The following PCSK2 variants were observed in gnomAD, a reference collection of about 807,000 sequenced individuals.
The protein encoded by PCSK2 is neuroendocrine convertase 2.
A neutral mutation model predicts 69.7 loss-of-function variants in PCSK2; 14 were observed. The observed-to-expected ratio is 0.20, with a 90% CI of 0.13 to 0.31. PCSK2 has a LOEUF of 0.31. Among genes scored for constraint, PCSK2 ranks in the 10% least tolerant of loss-of-function variants. The pLI is 1.00. For missense variants in PCSK2, 544 were observed against 842.5 expected, an observed-to-expected ratio of 0.65 and a Z score of 4.39; for synonymous variants, 307 against 320.7, an observed-to-expected ratio of 0.96 and a Z score of 0.46.
chr20:17,441,578 G>A (rs779484347), intron 8 of PCSK2, among the ~76,000 whole-genome samples: 4 of 152,186 alleles, frequency 2.6e-5, no homozygotes, highest in Admixed American at 1.3e-4. Context: ...TAGCTGGGGA[G>A]ACCTCACAAT....
chr20:17,252,324 C>T lies in PCSK2; in HGVS notation c.178-7916C>T, dbSNP rs187310895. 1.2e-4 allele frequency among the ~76,000 whole-genome samples: 18 copies of T among 152,252 alleles called. No individual in the cohort carries two copies. The East Asian group carries it at 3.5e-3, about 29-fold the overall frequency. ...GAGTCTCTTAAGCTGACTGCCCTCC[C>T]CTTTCTCCAAAAAGTCTAAGAAATA... On this transcript the variant is annotated intron_variant, in intron 1 of 11. Transcript: ENST00000262545.
intron 2 of PCSK2, among the ~76,000 whole-genome samples, chr20:17,352,589 G>A (rs2123198488): frequency 6.6e-6 from 1 of 152,286 alleles, no homozygotes; most frequent in East Asian, 1.9e-4. Flanking sequence ...ACAAAAGTAA[G>A]CAATGGGAAA....
At chr20:17,254,800 G>A (rs145529925) in intron 1 of PCSK2, among the ~76,000 whole-genome samples, 1,782 of 152,248 alleles carry the variant, frequency 0.012, 36 homozygotes, top group African/African-American at 0.04. Context: ...TAAAAAATCC[G>A]TGAACATGAG....
chr20:17,416,834 G>A (rs6080689), intron 6 of PCSK2, among the ~76,000 whole-genome samples: 101,530 of 152,040 alleles, frequency 0.67, 34,102 homozygotes, highest in Middle Eastern at 0.76. Context: ...ACAGAATACT[G>A]TGCAGCCATA....
intron 5 of PCSK2, among the ~76,000 whole-genome samples, chr20:17,376,477 G>T (rs942603522): frequency 1.3e-5 from 2 of 152,110 alleles, no homozygotes; most frequent in Admixed American, 1.3e-4. Flanking sequence ...GAGAATATTG[G>T]CTTCTAGGCC....
At chr20:17,351,514 C>T in intron 2 of PCSK2, among the ~76,000 whole-genome samples, 1 of 152,208 alleles carries the variant, frequency 6.6e-6, no homozygotes, top group East Asian at 1.9e-4. Flanking sequence ...ATTAAAAAGG[C>T]TTTATTCCTA....
intron 4 of PCSK2, among the ~76,000 whole-genome samples, chr20:17,362,115 T>C (rs1291863695): frequency 6.6e-6 from 1 of 152,256 alleles, no homozygotes; most frequent in Non-Finnish European, 1.5e-5. Context: ...GTACTGTAGA[T>C]GCCCATTTCA....
intron 2 of PCSK2, among the ~76,000 whole-genome samples, chr20:17,277,811 A>G (rs1300407025): frequency 6.6e-6 from 1 of 152,086 alleles, no homozygotes; most frequent in Non-Finnish European, 1.5e-5. Flanking sequence ...AATTTTTGCA[A>G]CCTACTCATC....
Position 17,465,396 on chromosome 20 carries a change from G to A in PCSK2, c.1273G>A (p.Glu425Lys), listed in dbSNP as rs769711731. 29 of 1,614,062 alleles carry A rather than the reference G, an allele frequency of 1.8e-5. No homozygotes were observed. The highest frequency in any genetic ancestry group is 5.0e-5 in the Admixed American group (3 of 60,004). Residue 425 changes from glutamate to lysine, a missense_variant, in exon 11 of 12, where the codon GAG (glutamate) becomes AAG (lysine). Physicochemically the swap from Glu to Lys is moderately conservative, Grantham distance 56 (BLOSUM62 1). This residue lies in a region of PCSK2 where 200 missense variants were observed against 287.8 expected (regional missense o/e 0.69). Transcript: ENST00000262545. ...CTCCAAACGGAACCAGCTTCACGAC[G>A]AGGTCCATCAGTGGCGGCGCAATGG... ...LTSKRNQLHD[E>K]VHQWRRNGVG... is the part of the protein sequence containing the mutation.
chr20:17,359,187 G>A (rs1207062254), intron 3 of PCSK2, among the ~76,000 whole-genome samples: 1 of 152,210 alleles, frequency 6.6e-6, no homozygotes, highest in East Asian at 1.9e-4. Flanking sequence ...ACAAGAGAGA[G>A]AACTAAATTA....
chr20:17,419,608 T>C (rs1600565589), intron 6 of PCSK2, among the ~76,000 whole-genome samples: 1 of 152,212 alleles, frequency 6.6e-6, no homozygotes, highest in Non-Finnish European at 1.5e-5. Context: ...GACTGGTTGA[T>C]AGATGAGTGG....
At chr20:17,437,660 C>G (rs1163100787) in intron 8 of PCSK2, among the ~76,000 whole-genome samples, 1 of 152,174 alleles carries the variant, frequency 6.6e-6, no homozygotes, top group Non-Finnish European at 1.5e-5. Flanking sequence ...CTGAGAAGTG[C>G]CTGCAAAGAG....
chr20:17,426,672 G>T (rs879903046), intron 6 of PCSK2, among the ~76,000 whole-genome samples: 1 of 152,216 alleles, frequency 6.6e-6, no homozygotes, highest in Non-Finnish European at 1.5e-5. Context: ...GAGTCTGAAG[G>T]TAGCCTGCTA....
At chr20:17,333,910 C>CATATATATATATATATATATAT (rs3076241) in intron 2 of PCSK2, among the ~76,000 whole-genome samples, 1,247 of 85,814 alleles carry the variant, frequency 0.015, 86 homozygotes, top group East Asian at 0.024. Flanking sequence ...TAAGTCACTG[C>CATATATATATATATATATATAT]ATATATATAT....
At chr20:17,403,107 A>C (rs2031680124) in intron 5 of PCSK2, among the ~76,000 whole-genome samples, 1 of 152,258 alleles carries the variant, frequency 6.6e-6, no homozygotes, top group Non-Finnish European at 1.5e-5. Context: ...TTCCAAAAGC[A>C]AGAAGAAAGT....
intron 2 of PCSK2, among the ~76,000 whole-genome samples, chr20:17,273,146 A>G (rs1987934484): frequency 6.6e-6 from 1 of 152,124 alleles, no homozygotes; most frequent in Non-Finnish European, 1.5e-5. Flanking sequence ...TAATAAAGTG[A>G]TTTCCTTTAA....
chr20:17,273,103 C>T (rs972304531), intron 2 of PCSK2, among the ~76,000 whole-genome samples: 6 of 152,126 alleles, frequency 3.9e-5, no homozygotes, highest in Non-Finnish European at 8.8e-5. Flanking sequence ...AGGTGACACT[C>T]AAGTGTAGAC....
In PCSK2 at chr20:17,450,016, CCT is replaced by C. The variant is rs1491233843; in HGVS notation, c.886-3725_886-3724del. 1.5e-3 allele frequency among the ~76,000 whole-genome samples: 144 copies of C among 96,722 alleles called. 1 individual carries two copies. The highest frequency in any genetic ancestry group is 2.5e-3 in the Non-Finnish European group (111 of 44,078). The allele number at this position is 96,722 out of a possible 152,430, so 63.5% of individuals were successfully genotyped here. On this transcript the variant is annotated intron_variant, in intron 8 of 11. Coordinates refer to ENST00000262545, the MANE Select transcript of PCSK2 (RefSeq NM_002594.5). Reference sequence around the variant, plus strand: ...TTTTTTAAGTTTGTTGAATTTCTTCCCTTTTTTTTTTTTTTTTTTTTTTTTTT... The same window carrying C: ...TTTTTTAAGTTTGTTGAATTTCTTCCTTTTTTTTTTTTTTTTTTTTTTTTT...
intron 4 of PCSK2, among the ~76,000 whole-genome samples, chr20:17,364,310 C>T (rs2030512021): frequency 1.3e-5 from 2 of 152,182 alleles, no homozygotes; most frequent in Admixed American, 1.3e-4. Context: ...GTAGGAAGGT[C>T]CAGCAGGGTG....
Sources: gnomAD v4.1 joint callset for allele counts (sites outside exome capture counted in the v4.1 genomes callset) on GRCh38, gnomAD v4.1.1 for gene constraint, gnomAD v4.1.1 regional missense constraint, MANE v1.5 for transcripts, NCBI Gene and HGNC (gene_info 2026-07-23, HGNC 2026-07-21) for gene names.